The following SLC6A18 variants were observed in gnomAD, a reference collection of about 807,000 sequenced individuals.
SLC6A18 encodes the protein solute carrier family 6 member 18.
In SLC6A18, 58 loss-of-function variants were observed where a neutral mutation model predicts 62.9. The ratio of observed to expected loss-of-function variants is 0.92; its 90% CI spans 0.75 to 1.15. The LOEUF (loss-of-function observed/expected upper bound fraction) is 1.15. Ranked by LOEUF, SLC6A18 falls within the 50% of genes most tolerant of loss-of-function variation. SLC6A18 has a pLI of 0.00. For synonymous variants in SLC6A18, 382 were observed against 365.8 expected (o/e 1.04, Z -0.51); for missense variants, 793 against 836.6 (o/e 0.95, Z 0.64).
In SLC6A18 at chr5:1,239,549, T is replaced by G. The variant is rs1290405075; in HGVS notation, c.832T>G (p.Tyr278Asp). The G allele has an allele frequency of 1.2e-6, 2 of 1,613,900 alleles. No homozygotes were observed. The highest frequency in any genetic ancestry group is 2.7e-5 in the African/African-American group (2 of 74,940). ...AFGGHIAFAS[Y>D]NSPRNDCQKD... ...CGGAGGACACATCGCTTTTGCAAGT[T>G]ACAACTCGCCCAGGTAGGCAGTCGG... Residue 278 changes from tyrosine to aspartate, a missense_variant, in exon 6 of 12, where the codon TAC (tyrosine) becomes GAC (aspartate). By Grantham distance (160) the Tyr-to-Asp change is radical. Coordinates refer to ENST00000324642, the MANE Select transcript of SLC6A18 (RefSeq NM_182632.3).
At position 1,232,899 on chromosome 5, in the gene SLC6A18, C is replaced by T. The variant is rs114708730; in HGVS notation, c.439+11C>T. 3,437 of 1,604,706 alleles carry T rather than the reference C, an allele frequency of 2.1e-3. 59 individuals are homozygous for T. The African/African-American group carries it at 0.04, about 19-fold the overall frequency. ...ACCTCAACAGAACAGGTGAGCTGGG[C>T]GCCGCCTGCTGTGTGGGTCCGTGCA... On this transcript the variant is annotated intron_variant, in intron 3 of 11. Transcript: ENST00000324642.
chr5:1,239,062 C>T (rs1746979095), intron 5 of SLC6A18, among the ~76,000 whole-genome samples: 1 of 152,254 alleles, frequency 6.6e-6, no homozygotes, highest in South Asian at 2.1e-4. Context: ...AGCAGAAAAG[C>T]CAGGCTCCGT....
chr5:1,232,510 G>C (rs987401124), intron 2 of SLC6A18, 151 bp downstream of exon 2: 145 of 1,175,882 alleles, frequency 1.2e-4, no homozygotes, highest in Admixed American at 4.4e-4. Context: ...TTGGGTGTGT[G>C]TGAGAAGCAG....
At chr5:1,230,312 A>G (rs10059284) in intron 1 of SLC6A18, among the ~76,000 whole-genome samples, 1,827 of 151,886 alleles carry the variant, frequency 0.012, 36 homozygotes, top group African/African-American at 0.042. Context: ...AGGTATGCTG[A>G]CTCCCTGCCA....
rs756377671 is a variant in SLC6A18, at chr5:1,244,661, G to A, written c.1550G>A (p.Arg517Gln). Residue 517 changes from arginine (R) to glutamine (Q), a missense_variant, in exon 11 of 12, where the codon CGG becomes CAG. By Grantham distance (43) the Arg-to-Gln change is conservative (BLOSUM62 1). Coordinates refer to ENST00000324642, the MANE Select transcript of SLC6A18 (RefSeq NM_182632.3). ...MTGRRPSPYW[R>Q]LTWRVVSPLL... Reference sequence around the variant, plus strand: ...GGGAGGCGGCCCAGCCCCTACTGGCGGCTGACCTGGAGGGTGGTCAGTCCC... The same window carrying A: ...GGGAGGCGGCCCAGCCCCTACTGGCAGCTGACCTGGAGGGTGGTCAGTCCC... The A allele has an allele frequency of 1.2e-5, 20 of 1,611,392 alleles. No individual in the cohort carries two copies. The highest frequency in any genetic ancestry group is 6.7e-5 in the East Asian group (3 of 44,766).
chr5:1,240,729 C>T, intron 7 of SLC6A18, 70 bp downstream of exon 7: 3 of 1,595,926 alleles, frequency 1.9e-6, no homozygotes, highest in Non-Finnish European at 2.6e-6. Flanking sequence ...CACCGAGAAT[C>T]CCAAGGCATG....
rs771101529 is a variant in SLC6A18 at position 1,232,306 on chromosome 5, G to A, written c.248G>A (p.Arg83Gln). 2.9e-5 allele frequency: 47 copies of A among 1,612,358 alleles called. No homozygotes were observed. The highest frequency in any genetic ancestry group is 1.3e-4 in the Admixed American group (8 of 59,974). Residue 83 changes from arginine to glutamine, a missense_variant, in exon 2 of 12, where the codon CGG becomes CAG. Arg to Gln is a conservative substitution (Grantham distance 43, BLOSUM62 1). Transcript: ENST00000324642. ...GAGCTCGCCATCGGCCAGCGGCTGC[G>A]GAAGGGCAGCGTCGGCGTGTGGACG... ...HVELAIGQRL[R>Q]KGSVGVWTAI...
chr5:1,243,777 C>T lies in SLC6A18; in HGVS notation c.1336+18C>T, dbSNP rs371964521. The T allele has an allele frequency of 1.3e-6, 2 of 1,577,004 alleles. No individual in the cohort carries two copies. Among genetic ancestry groups the T allele is most frequent in the African/African-American group, 2.7e-5 (2 of 74,430 alleles). On this transcript the variant is annotated intron_variant, in intron 9 of 11. Transcript: ENST00000324642. This position sits in a 1 kb window ranked among gnomAD's most constrained non-coding sequence, Gnocchi z 6.5. Reference sequence around the variant, plus strand: ...CCTGACTGGTGAGCGCACAGCTCCGCCGCCCTGGAGGACCCGTCCCCAGCA... The same window carrying T: ...CCTGACTGGTGAGCGCACAGCTCCGTCGCCCTGGAGGACCCGTCCCCAGCA...
chr5:1,235,530 C>T lies in SLC6A18; in HGVS notation c.489C>T (p.Tyr163=). 6.2e-7 allele frequency: 1 copy of T among 1,614,036 alleles called. No individual in the cohort carries two copies. Among genetic ancestry groups the T allele is most frequent in the East Asian group, 2.2e-5 (1 of 44,890 alleles). The change falls in exon 4 of 12, where the codon TAC becomes TAT. Residue 163 remains tyrosine (Y), a synonymous_variant. Transcript: ENST00000324642. ...QGSSAVSYFW[Y]RQTLNITADI... is the part of the protein sequence containing the mutation. ...GCAGCGCCGTGAGCTACTTCTGGTA[C>T]CGGCAGACACTGAACATCACAGCCG...
Position 1,232,890 on chromosome 5 carries a change from T to A in SLC6A18, c.439+2T>A. 6.2e-7 allele frequency: 1 copy of A among 1,608,042 alleles called. No individual in the cohort carries two copies. Among genetic ancestry groups the A allele is most frequent in the South Asian group, 1.1e-5 (1 of 90,458 alleles). On this transcript the variant is annotated splice_donor_variant, in intron 3 of 11. Transcript: ENST00000324642. LOFTEE classifies it high-confidence loss of function. ...GCCCACCGGACCTCAACAGAACAGG[T>A]GAGCTGGGCGCCGCCTGCTGTGTGG...
At chr5:1,226,790 C>T (rs1249938594) in intron 1 of SLC6A18, among the ~76,000 whole-genome samples, 1 of 152,158 alleles carries the variant, frequency 6.6e-6, no homozygotes, top group Non-Finnish European at 1.5e-5. Context: ...CCGGGGCCCT[C>T]GCTGCCTGTG....
intron 1 of SLC6A18, among the ~76,000 whole-genome samples, chr5:1,229,969 G>T (rs1466950301): frequency 1.0e-5 from 1 of 100,036 alleles, no homozygotes; most frequent in East Asian, 2.2e-4. Flanking sequence ...CACGGTGCAG[G>T]CTGGAGGGGA....
Position 1,242,699 on chromosome 5 carries a change from C to G in SLC6A18, c.975-8C>G. On this transcript the variant is annotated splice_region_variant and splice_polypyrimidine_tract_variant and intron_variant, in intron 7 of 11. Transcript: ENST00000324642. ...GCCATGAGCCCACAGTCCTCTCTGT[C>G]CCCGCAGAAACATCCTCAGCCTCAT... The G allele has an allele frequency of 6.3e-7, 1 of 1,596,978 alleles. No homozygotes were observed. Among genetic ancestry groups the G allele is most frequent in the African/African-American group, 1.3e-5 (1 of 74,396 alleles).
intron 4 of SLC6A18, 101 bp downstream of exon 4, chr5:1,235,763 G>A: frequency 1.6e-6 from 2 of 1,232,906 alleles, no homozygotes; most frequent in Non-Finnish European, 2.3e-6. Flanking sequence ...GCTCTTGCGA[G>A]GGGCATAAAC....
intron 7 of SLC6A18, among the ~76,000 whole-genome samples, 173 bp downstream of exon 7, chr5:1,240,832 G>C (rs1347017549): frequency 1.3e-5 from 2 of 152,190 alleles, no homozygotes; most frequent in Non-Finnish European, 2.9e-5. Context: ...TTCAGAATGT[G>C]ACCTGGTTGG....
Position 1,244,748 on chromosome 5 carries a change from A to G in SLC6A18, c.1637A>G (p.Lys546Arg), listed in dbSNP as rs560349009. The G allele has an allele frequency of 1.9e-6, 3 of 1,609,330 alleles. No individual in the cohort carries two copies. In the South Asian group the frequency reaches 3.3e-5, roughly 18 times the overall value. ...ILLFWKPLRYKAWNPKYELFP... is the reference protein window; with the variant it reads ...ILLFWKPLRYRAWNPKYELFP... ...CTGTTCTGGAAGCCACTGAGATACAAGGCCTGGAACCCCAAATACGTAGGT... is the reference window on the plus strand; with the variant it reads ...CTGTTCTGGAAGCCACTGAGATACAGGGCCTGGAACCCCAAATACGTAGGT... Residue 546 changes from lysine to arginine, a missense_variant, in exon 11 of 12, where the codon AAG becomes AGG. Coordinates refer to ENST00000324642, the MANE Select transcript of SLC6A18 (RefSeq NM_182632.3).
At chr5:1,237,136 C>G (rs149373009) in intron 4 of SLC6A18, among the ~76,000 whole-genome samples, 1 of 147,974 alleles carries the variant, frequency 6.8e-6, no homozygotes, top group African/African-American at 2.5e-5. Flanking sequence ...CAACTACTTG[C>G]GAGGCTGAGG....
chr5:1,232,693 T>C, intron 2 of SLC6A18, 58 bp from the exon 3 acceptor site: 1 of 1,549,308 alleles, frequency 6.5e-7, no homozygotes, highest in Non-Finnish European at 8.7e-7. Context: ...TCACTGCTTC[T>C]GGGCAGAGGG....
intron 1 of SLC6A18, among the ~76,000 whole-genome samples, chr5:1,230,851 G>C (rs1475161171): frequency 6.6e-6 from 1 of 152,184 alleles, no homozygotes; most frequent in Non-Finnish European, 1.5e-5. Context: ...AGGTGGGGAG[G>C]AGTCAACAGC....
Sources: allele counts gnomAD v4.1 joint callset (sites outside exome capture counted in the v4.1 genomes callset), GRCh38; gene constraint gnomAD v4.1.1; non-coding constraint Gnocchi (gnomAD v3.1); transcripts MANE v1.5; gene names NCBI Gene and HGNC (gene_info 2026-07-23, HGNC 2026-07-21).